The following PRKCB variants were observed in gnomAD, a reference collection of about 807,000 sequenced individuals.
PRKCB encodes the protein protein kinase C beta.
Under a neutral mutation model 81.5 loss-of-function variants are expected in PRKCB, and 13 were observed. That is an observed-to-expected ratio of 0.16 (90% CI 0.10 to 0.25). PRKCB has a LOEUF of 0.25. PRKCB is among the 10% of genes least tolerant of loss of function. PRKCB has a pLI of 1.00. For synonymous variants in PRKCB, 335 were observed against 321.4 expected (o/e 1.04, Z -0.45); for missense variants, 509 against 875.7 (o/e 0.58, Z 5.29).
chr16:23,851,114 T>C (rs1440824271), intron 2 of PRKCB, among the ~76,000 whole-genome samples: 1 of 152,246 alleles, frequency 6.6e-6, no homozygotes, highest in Non-Finnish European at 1.5e-5. Context: ...AGCTTTCAGT[T>C]TGATGCCCTC....
intron 3 of PRKCB, among the ~76,000 whole-genome samples, chr16:23,990,234 A>G (rs1224158343): frequency 6.6e-6 from 1 of 151,898 alleles, no homozygotes; most frequent in Admixed American, 6.6e-5. Context: ...TGAGGCGGGC[A>G]GATCACAAGG....
At chr16:24,193,474 AATAAAT>A (rs1967829475) in intron 16 of PRKCB, among the ~76,000 whole-genome samples, 7 of 149,222 alleles carry the variant, frequency 4.7e-5, no homozygotes, top group Admixed American at 6.7e-5. Flanking sequence ...TAAATAAATA[AATAAAT>A]AAATAAATAA....
chr16:24,127,326 T>C (rs1049435277), intron 9 of PRKCB, among the ~76,000 whole-genome samples: 2 of 152,160 alleles, frequency 1.3e-5, no homozygotes, highest in East Asian at 3.8e-4. Flanking sequence ...TAATAAGCAA[T>C]GCATTCACAT....
intron 9 of PRKCB, among the ~76,000 whole-genome samples, chr16:24,143,599 G>T (rs1966939676): frequency 6.6e-6 from 1 of 152,026 alleles, no homozygotes; most frequent in Non-Finnish European, 1.5e-5. Flanking sequence ...TCCCCTGGAG[G>T]CCTACAGTAT....
At position 23,930,742 on chromosome 16, in the gene PRKCB, G is replaced by C. The variant is rs140084439; in HGVS notation, c.206-57766G>C. Among the ~76,000 whole-genome samples the C allele has an allele frequency of 2.0e-5, 3 of 152,158 alleles. No homozygotes were observed. In the East Asian group the frequency reaches 5.8e-4, roughly 29 times the overall value. ...TTAGTACTTATTATGAGCTTCATAG[G>C]GTTGTTGTGGATTAATACATGTAAA... On this transcript the variant is annotated intron_variant, in intron 2 of 16. Coordinates refer to ENST00000643927, the MANE Select transcript of PRKCB (RefSeq NM_002738.7).
rs1464007831 is a variant in PRKCB, at chr16:24,180,777, G to T, written c.1395-13G>T. 1 of 1,612,246 alleles carries T rather than the reference G, an allele frequency of 6.2e-7. No individual in the cohort carries two copies. Among genetic ancestry groups the T allele is most frequent in the Admixed American group, 1.7e-5 (1 of 59,772 alleles). ...CGTTTAATTAAATCTCTAAATTCTT[G>T]TGTCTGCCATAGTGACCTAAAACTT... On this transcript the variant is annotated splice_polypyrimidine_tract_variant and intron_variant, in intron 12 of 16. Transcript: ENST00000643927.
chr16:23,850,689 A>G (rs2141082164), intron 2 of PRKCB, among the ~76,000 whole-genome samples: 1 of 152,166 alleles, frequency 6.6e-6, no homozygotes, highest in Non-Finnish European at 1.5e-5. Context: ...TGTTTTTTTG[A>G]GAAACTTTTA....
chr16:24,141,578 T>C (rs1040275565), intron 9 of PRKCB, among the ~76,000 whole-genome samples: 2 of 152,208 alleles, frequency 1.3e-5, no homozygotes, highest in Non-Finnish European at 2.9e-5. Flanking sequence ...CCTTCAGTGC[T>C]TAATCCCTGG....
At chr16:24,156,143 C>T (rs911386121) in intron 10 of PRKCB, among the ~76,000 whole-genome samples, 7 of 152,142 alleles carry the variant, frequency 4.6e-5, no homozygotes, top group Non-Finnish European at 7.4e-5. Flanking sequence ...AAGGGCCTCC[C>T]TTCACCTATT....
rs1054346204 is a variant in PRKCB at position 23,987,975 on chromosome 16, T to A, written c.206-533T>A. 2.6e-5 allele frequency among the ~76,000 whole-genome samples: 4 copies of A among 152,240 alleles called. No individual in the cohort carries two copies. In the South Asian group the frequency reaches 8.3e-4, roughly 31 times the overall value. ...ACTACTAAAGTGACAATGTAAACGT[T>A]GCTGCCTATTTTTCCCACTCTTCTA... On this transcript the variant is annotated intron_variant, in intron 2 of 16. Transcript: ENST00000643927.
At chr16:24,022,772 C>A (rs1034585739) in intron 3 of PRKCB, among the ~76,000 whole-genome samples, 1 of 152,188 alleles carries the variant, frequency 6.6e-6, no homozygotes, top group African/African-American at 2.4e-5. Flanking sequence ...GGATTACAGG[C>A]GTGAGCCACT....
rs548945063 is a variant in PRKCB, at chr16:24,138,434, A to G, written c.1065+14453A>G. Reference sequence around the variant, plus strand: ...TTATTAGTTTATTTTCCCAGCAACCATTTAAAAAAGAGTCAAATTAAATCT... The same window carrying G: ...TTATTAGTTTATTTTCCCAGCAACCGTTTAAAAAAGAGTCAAATTAAATCT... On this transcript the variant is annotated intron_variant, in intron 9 of 16. Coordinates refer to ENST00000643927, the MANE Select transcript of PRKCB (RefSeq NM_002738.7). 5.9e-5 allele frequency among the ~76,000 whole-genome samples: 9 copies of G among 152,370 alleles called. No homozygotes were observed. The South Asian group carries it at 6.2e-4, about 11-fold the overall frequency.
chr16:23,898,190 C>T (rs563179215), intron 2 of PRKCB, among the ~76,000 whole-genome samples: 10 of 152,050 alleles, frequency 6.6e-5, no homozygotes, highest in Non-Finnish European at 1.5e-4. Context: ...CTCAGCCTCC[C>T]GAGTAGCTGG....
At chr16:24,004,823 T>A (rs1384842185) in intron 3 of PRKCB, among the ~76,000 whole-genome samples, 2 of 152,176 alleles carry the variant, frequency 1.3e-5, no homozygotes, top group African/African-American at 4.8e-5. Flanking sequence ...ATCTAATCAT[T>A]TTGACCTAAG....
At chr16:24,099,062 G>C (rs561665374) in intron 7 of PRKCB, 1 of 152,112 alleles carries the variant, frequency 6.6e-6, no homozygotes, top group African/African-American at 2.4e-5. Flanking sequence ...ATCCTCAGGG[G>C]GTATCAGTGT....
intron 3 of PRKCB, among the ~76,000 whole-genome samples, chr16:24,013,230 A>C (rs1249380234): frequency 6.6e-6 from 1 of 152,200 alleles, no homozygotes; most frequent in Non-Finnish European, 1.5e-5. Flanking sequence ...CACATATCTT[A>C]GGGACATCTA....
chr16:24,164,562 C>T (rs1000143444), intron 10 of PRKCB, among the ~76,000 whole-genome samples: 7 of 152,096 alleles, frequency 4.6e-5, no homozygotes, highest in African/African-American at 1.2e-4. Flanking sequence ...TTTGCCTTTC[C>T]GAGCTTTTAA....
chr16:23,976,111 A>G lies in PRKCB; in HGVS notation c.206-12397A>G, dbSNP rs192676375. ...CACTTGAGGCCAGGAGTTCGAAACCAGCCTGGTCAACCTAGTGAGACCCCA... is the reference window on the plus strand; with the variant it reads ...CACTTGAGGCCAGGAGTTCGAAACCGGCCTGGTCAACCTAGTGAGACCCCA... On this transcript the variant is annotated intron_variant, in intron 2 of 16. Transcript: ENST00000643927. Among the ~76,000 whole-genome samples the G allele has an allele frequency of 4.6e-5, 7 of 152,290 alleles. No individual in the cohort carries two copies. In the East Asian group the frequency reaches 1.4e-3, roughly 29 times the overall value.
Position 24,092,733 on chromosome 16 carries a change from G to C in PRKCB, c.530-58G>C, listed in dbSNP as rs575165010. 4.5e-5 allele frequency: 68 copies of C among 1,517,112 alleles called. 2 individuals carry two copies. The African/African-American group carries it at 7.0e-4, about 16-fold the overall frequency. The allele number at this position is 1,517,112 out of a possible 1,614,324, so 94.0% of individuals were successfully genotyped here. ...TTCCACAAGTTCTGCAGCTGTCACT[G>C]CTTGGTGCTTAAACATGTTGGACAG... On this transcript the variant is annotated intron_variant, in intron 5 of 16. Coordinates refer to ENST00000643927, the MANE Select transcript of PRKCB (RefSeq NM_002738.7).
Sources: gnomAD v4.1 joint callset for allele counts (sites outside exome capture counted in the v4.1 genomes callset) on GRCh38, gnomAD v4.1.1 for gene constraint, MANE v1.5 for transcripts, NCBI Gene and HGNC (gene_info 2026-07-23, HGNC 2026-07-21) for gene names.